Variants in MYBL1 observed in about 807,000 individuals in gnomAD.
MYBL1 encodes the protein MYB proto-oncogene like 1.
MYBL1 carries 17 observed loss-of-function variants against 96.3 expected under a neutral mutation model. That is an observed-to-expected ratio of 0.18 (90% CI 0.12 to 0.26). MYBL1 has a LOEUF of 0.26. Ranked by LOEUF, MYBL1 falls within the 10% of genes least tolerant of loss-of-function variation. The probability of loss-of-function intolerance (pLI) is 1.00; values close to 1 mark genes in which losing one functional copy is unlikely to be tolerated. For synonymous variants in MYBL1, 282 were observed against 292.7 expected (o/e 0.96, Z 0.37); for missense variants, 701 against 882.9 (o/e 0.79, Z 2.61).
chr8:66,591,352 A>G (rs1809636627), intron 8 of MYBL1, among the ~76,000 whole-genome samples: 1 of 151,654 alleles, frequency 6.6e-6, no homozygotes, highest in Non-Finnish European at 1.5e-5. Flanking sequence ...GTCTCAAAAA[A>G]AAAAAAATTT....
At chr8:66,581,402 T>C (rs1809205187) in intron 8 of MYBL1, among the ~76,000 whole-genome samples, 1 of 152,066 alleles carries the variant, frequency 6.6e-6, no homozygotes, top group Non-Finnish European at 1.5e-5. Flanking sequence ...AGAGAACAGG[T>C]ACGGTGGCTC....
intron 10 of MYBL1, among the ~76,000 whole-genome samples, chr8:66,575,063 A>AT (rs1374226088): frequency 1.3e-5 from 2 of 152,178 alleles, no homozygotes; most frequent in Non-Finnish European, 2.9e-5. Context: ...TCAAAGAAAA[A>AT]AAAAAAAGCG....
chr8:66,572,356 G>T, intron 12 of MYBL1, 126 bp downstream of exon 12: 1 of 493,268 alleles, frequency 2.0e-6, no homozygotes, highest in Non-Finnish European at 3.5e-6. Context: ...AAAATCAAAA[G>T]ATAAAGCTTT....
intron 1 of MYBL1, among the ~76,000 whole-genome samples, chr8:66,604,554 A>G (rs1186264244): frequency 6.6e-6 from 1 of 152,098 alleles, no homozygotes; most frequent in African/African-American, 2.4e-5. Flanking sequence ...AATAAAATAA[A>G]CTGGAGTGAA....
chr8:66,587,781 T>C (rs745522123), intron 8 of MYBL1, among the ~76,000 whole-genome samples: 15 of 152,214 alleles, frequency 9.9e-5, no homozygotes, highest in South Asian at 6.2e-4. Flanking sequence ...GCAACTGATA[T>C]GTGGCTAGTG....
Position 66,564,758 on chromosome 8 carries a change from G to A in MYBL1, c.2198C>T (p.Ala733Val). The A allele has an allele frequency of 6.3e-7, 1 of 1,584,266 alleles. No individual in the cohort carries two copies. The highest frequency in any genetic ancestry group is 8.6e-7 in the Non-Finnish European group (1 of 1,161,652). The change falls in exon 16 of 16, where the codon GCA (alanine) becomes GTA (valine). Residue 733 changes from alanine (A) to valine (V), a missense_variant. Physicochemically the swap from Ala to Val is moderately conservative, Grantham distance 64 (BLOSUM62 0). Transcript: ENST00000522677. ...TEDQLIMTEQ[A>V]RRYLSTYTAT... The stretch of plus-strand genomic sequence containing the variant: ...TGTGTAAGTACTCAGATATCTTCTT[G>A]CTTGTTCAGTCATAATAAGTTGGTC...
intron 1 of MYBL1, among the ~76,000 whole-genome samples, chr8:66,603,931 A>G (rs564569847): frequency 2.1e-4 from 32 of 152,194 alleles, no homozygotes; most frequent in African/African-American, 7.7e-4. Context: ...AGACTTTGGG[A>G]GGCAACTAGA....
At chr8:66,577,287 T>A (rs1808997776) in intron 9 of MYBL1, among the ~76,000 whole-genome samples, 1 of 149,708 alleles carries the variant, frequency 6.7e-6, no homozygotes, top group South Asian at 2.2e-4. Flanking sequence ...GAAGTCAAAT[T>A]GTCCCTGTTT....
chr8:66,569,331 C>A (rs926362165), intron 12 of MYBL1, among the ~76,000 whole-genome samples: 1 of 150,772 alleles, frequency 6.6e-6, no homozygotes, highest in Non-Finnish European at 1.5e-5. Flanking sequence ...GCATACGTAC[C>A]GCATTTTCTT....
At chr8:66,571,225 A>C (rs1006606343) in intron 12 of MYBL1, among the ~76,000 whole-genome samples, 2 of 152,180 alleles carry the variant, frequency 1.3e-5, no homozygotes, top group African/African-American at 4.8e-5. Flanking sequence ...AAAGGTGGTA[A>C]GATATATGAA....
chr8:66,585,614 G>T (rs767545749), intron 8 of MYBL1, among the ~76,000 whole-genome samples: 4 of 151,936 alleles, frequency 2.6e-5, no homozygotes, highest in Non-Finnish European at 4.4e-5. Flanking sequence ...GTGGTGGCAG[G>T]CACCTGTAAT....
intron 12 of MYBL1, among the ~76,000 whole-genome samples, chr8:66,567,235 A>G (rs998010586): frequency 4.6e-5 from 7 of 152,192 alleles, no homozygotes; most frequent in Admixed American, 3.3e-4. Flanking sequence ...CTTTTGGGGA[A>G]ACCACTGTAG....
rs1396850231 is a variant in MYBL1, at chr8:66,562,442, A to T, written c.*2255T>A. 1 of 152,674 alleles carries T rather than the reference A, an allele frequency of 6.5e-6. No homozygotes were observed. The allele number at this position is 152,674 out of a possible 1,614,324, so 9.5% of individuals were successfully genotyped here. On this transcript the variant is annotated 3_prime_UTR_variant, in exon 16 of 16. Transcript: ENST00000522677. ...CAAAACAGTATAAAGGTGACTTAAG[A>T]TGCCTGACATGTTTAAGATAAAAAA... is the stretch of plus-strand genomic sequence containing the variant.
At position 66,601,785 on chromosome 8, in the gene MYBL1, A is replaced by G. The variant is rs58806068; in HGVS notation, c.127-16T>C. 55,829 of 1,383,308 alleles carry G rather than the reference A, an allele frequency of 0.04. 3,773 individuals carry two copies. Among genetic ancestry groups the G allele is most frequent in the African/African-American group, 0.28 (19,438 of 68,798 alleles). 85.7% of individuals were successfully genotyped at this position (1,383,308 alleles called of 1,614,324 possible). On this transcript the variant is annotated splice_polypyrimidine_tract_variant and intron_variant, in intron 2 of 15. Coordinates refer to ENST00000522677, the MANE Select transcript of MYBL1 (RefSeq NM_001080416.4). ...ATTTATCATCCTATTAAAACAGTAC[A>G]AAAATTAGAAAGCTTTCCCCCCGTC...
At chr8:66,569,446 G>A (rs925214694) in intron 12 of MYBL1, among the ~76,000 whole-genome samples, 58 of 151,464 alleles carry the variant, frequency 3.8e-4, no homozygotes, top group Non-Finnish European at 8.8e-5. Flanking sequence ...ACCTCCCAGG[G>A]TCAAGCGATC....
At chr8:66,594,888 G>C (rs1254724598) in intron 6 of MYBL1, among the ~76,000 whole-genome samples, 1 of 152,086 alleles carries the variant, frequency 6.6e-6, no homozygotes, top group Non-Finnish European at 1.5e-5. Flanking sequence ...ACTAAGTCCT[G>C]ACTTAATCTT....
chr8:66,580,284 T>C lies in MYBL1; in HGVS notation c.950A>G (p.His317Arg). 6.2e-7 allele frequency: 1 copy of C among 1,613,852 alleles called. No individual in the cohort carries two copies. Among genetic ancestry groups the C allele is most frequent in the East Asian group, 2.2e-5 (1 of 44,884 alleles). ...ATCCATACTGTAAAACTCACTAGTG[T>C]GCTCGTCAAGGCTATTTAGAGTATT... is the stretch of plus-strand genomic sequence containing the variant. ...MSNTLNSLDE[H>R]TSEFYSMDEN... Residue 317 changes from histidine (H) to arginine (R), a missense_variant, in exon 9 of 16, where the codon CAC (histidine) becomes CGC (arginine). His to Arg is a conservative substitution (Grantham distance 29). Coordinates refer to ENST00000522677, the MANE Select transcript of MYBL1 (RefSeq NM_001080416.4).
intron 4 of MYBL1, among the ~76,000 whole-genome samples, chr8:66,598,760 T>G (rs1180022431): frequency 6.6e-6 from 1 of 152,202 alleles, no homozygotes; most frequent in Non-Finnish European, 1.5e-5. Context: ...TATACCCTAA[T>G]AGTTGTGAAA....
intron 8 of MYBL1, among the ~76,000 whole-genome samples, chr8:66,591,902 C>T (rs1809660670): frequency 6.6e-6 from 1 of 151,922 alleles, no homozygotes; most frequent in Admixed American, 6.6e-5. Flanking sequence ...ATCTGCTTTG[C>T]ATTTATGACT....
Sources: allele counts gnomAD v4.1 joint callset (sites outside exome capture counted in the v4.1 genomes callset), GRCh38; gene constraint gnomAD v4.1.1; transcripts MANE v1.5; gene names NCBI Gene and HGNC (gene_info 2026-07-23, HGNC 2026-07-21).